MROH7: variants seen among roughly 807,000 people sequenced by gnomAD.
MROH7 encodes maestro heat like repeat family member 7.
MROH7 carries 113 observed loss-of-function variants against 129.2 expected under a neutral mutation model. The ratio of observed to expected loss-of-function variants is 0.87; its 90% CI spans 0.75 to 1.02. MROH7 has a LOEUF of 1.02. Ranked by LOEUF, MROH7 falls within the 50% of genes least tolerant of loss-of-function variation. MROH7 has a pLI of 0.00. For missense variants in MROH7, 1,601 were observed against 1,671.3 expected (o/e 0.96, Z 0.73); for synonymous variants, 655 against 667.9 (o/e 0.98, Z 0.30).
chr1:54,708,394 T>C (rs1645569886), intron 22 of MROH7, among the ~76,000 whole-genome samples: 2 of 151,334 alleles, frequency 1.3e-5, no homozygotes, highest in Admixed American at 1.3e-4. Context: ...GCCACTGCAC[T>C]CCAGTCTGGG....
intron 3 of MROH7, among the ~76,000 whole-genome samples, chr1:54,663,132 G>A (rs767480980): frequency 6.6e-5 from 10 of 152,110 alleles, no homozygotes; most frequent in Non-Finnish European, 1.2e-4. Context: ...AGTAAATATC[G>A]TGTGGTCAGG....
intron 17 of MROH7, among the ~76,000 whole-genome samples, chr1:54,696,606 A>G (rs1344727681): frequency 2.0e-5 from 3 of 150,582 alleles, no homozygotes; most frequent in Non-Finnish European, 2.9e-5. Flanking sequence ...GTTTCCCTAA[A>G]CATAATGTCT....
In MROH7 at chr1:54,706,501, C is replaced by T. The variant is rs375795723; in HGVS notation, c.3631C>T (p.Arg1211Trp). The T allele has an allele frequency of 1.3e-5, 21 of 1,613,470 alleles. No homozygotes were observed. Among genetic ancestry groups the T allele is most frequent in the Middle Eastern group, 1.6e-4 (1 of 6,082 alleles). The change falls in exon 22 of 24, where the codon CGG (arginine) becomes TGG (tryptophan). Residue 1211 changes from arginine (R) to tryptophan (W), a missense_variant. Physicochemically the swap from Arg to Trp is moderately radical, Grantham distance 101. Transcript: ENST00000421030. ...GAGCCTGGAGTATGCCAAGAACTCACGGGCCTCCCTCCGGAAGTGCTCAGT... is the reference window on the plus strand; with the variant it reads ...GAGCCTGGAGTATGCCAAGAACTCATGGGCCTCCCTCCGGAAGTGCTCAGT... ...SQSLEYAKNS[R>W]ASLRKCSVMF...
At chr1:54,668,823 C>G in intron 4 of MROH7, 31 bp from the exon 5 acceptor site, 1 of 1,581,278 alleles carries the variant, frequency 6.3e-7, no homozygotes, top group Non-Finnish European at 8.7e-7. Flanking sequence ...GGGTCTCTCA[C>G]TCTGAGGTTT....
chr1:54,697,855 G>A, intron 17 of MROH7: 2 of 539,258 alleles, frequency 3.7e-6, no homozygotes, highest in East Asian at 5.8e-5. Flanking sequence ...GAGGGAGGGT[G>A]GATCTTGCCA....
intron 16 of MROH7, among the ~76,000 whole-genome samples, chr1:54,694,280 G>A (rs115503769): frequency 0.011 from 1,603 of 152,344 alleles, 26 homozygotes; most frequent in African/African-American, 0.036. Flanking sequence ...GCTGGGGCCA[G>A]GATTTGAACC....
chr1:54,705,335 T>A (rs1207031876), intron 21 of MROH7, among the ~76,000 whole-genome samples: 1 of 152,242 alleles, frequency 6.6e-6, no homozygotes, highest in South Asian at 2.1e-4. Flanking sequence ...TTGGGGCACC[T>A]GCTGCAAGCC....
At chr1:54,706,629 G>C (rs1339116784) in intron 22 of MROH7, 92 bp downstream of exon 22, 2 of 911,058 alleles carry the variant, frequency 2.2e-6, no homozygotes, top group African/African-American at 3.3e-5. Context: ...TTCAGCACCT[G>C]GGGGGATGCT....
chr1:54,673,825 G>C lies in MROH7; in HGVS notation c.1800+20G>C, dbSNP rs760592593. Reference sequence around the variant, plus strand: ...TTCTTTGTGAGTGGCCCCTGGGAGGGGTGGACACTCTTAGGGAAAATCTTC... The same window carrying C: ...TTCTTTGTGAGTGGCCCCTGGGAGGCGTGGACACTCTTAGGGAAAATCTTC... On this transcript the variant is annotated intron_variant, in intron 9 of 23. Coordinates refer to ENST00000421030, the MANE Select transcript of MROH7 (RefSeq NM_001039464.4). 1 of 1,591,378 alleles carries C rather than the reference G, an allele frequency of 6.3e-7. No homozygotes were observed. Among genetic ancestry groups the C allele is most frequent in the South Asian group, 1.1e-5 (1 of 90,544 alleles).
In MROH7 at chr1:54,686,218, T is replaced by C. The variant is rs755582394; in HGVS notation, c.2521-40T>C. On this transcript the variant is annotated intron_variant, in intron 14 of 23. Transcript: ENST00000421030. The stretch of plus-strand genomic sequence containing the variant: ...GCCCCAGCCAGGAGTGCTGGGAAGA[T>C]GGGCCACGACATCCCAGCAGCCTCC... 5.8e-6 allele frequency: 9 copies of C among 1,560,360 alleles called. No homozygotes were observed. The South Asian group carries it at 9.8e-5, about 17-fold the overall frequency.
intron 15 of MROH7, among the ~76,000 whole-genome samples, chr1:54,689,086 A>G (rs1645194215): frequency 6.6e-6 from 1 of 152,188 alleles, no homozygotes; most frequent in Non-Finnish European, 1.5e-5. Context: ...TCTGCCCAGA[A>G]CCCATGATAG....
chr1:54,681,718 T>C (rs1422331328), intron 13 of MROH7, among the ~76,000 whole-genome samples: 3 of 152,184 alleles, frequency 2.0e-5, no homozygotes, highest in Non-Finnish European at 4.4e-5. Context: ...TTTCCTTGCC[T>C]GGTGTACTGC....
In MROH7 at chr1:54,673,809, A is replaced by G; in HGVS notation, c.1800+4A>G. Reference sequence around the variant, plus strand: ...GCTTCTAACTCTGCCTTTCTTTGTGAGTGGCCCCTGGGAGGGGTGGACACT... The same window carrying G: ...GCTTCTAACTCTGCCTTTCTTTGTGGGTGGCCCCTGGGAGGGGTGGACACT... On this transcript the variant is annotated splice_donor_region_variant and intron_variant, in intron 9 of 23. Transcript: ENST00000421030. The G allele has an allele frequency of 6.2e-7, 1 of 1,611,272 alleles. No homozygotes were observed. The highest frequency in any genetic ancestry group is 1.7e-5 in the Admixed American group (1 of 60,008).
chr1:54,675,601 CTTT>C (rs35016115), intron 10 of MROH7, among the ~76,000 whole-genome samples: 5 of 143,158 alleles, frequency 3.5e-5, no homozygotes, highest in Non-Finnish European at 3.1e-5. Flanking sequence ...GGGACGCTGC[CTTT>C]TTTTTTTTTT....
rs973542903 is a variant in MROH7, at chr1:54,700,350, C to T, written c.2994C>T (p.Ile998=). ...TCCAGATGGAGCAGGTGCGCCGGAT[C>T]CCCGAGGAATACTCTCTGGGGCGGA... is the stretch of plus-strand genomic sequence containing the variant. ...ELLQMEQVRR[I]PEEYSLGRMA... Residue 998 remains isoleucine (I), a synonymous_variant, in exon 18 of 24, where the codon ATC becomes ATT. Transcript: ENST00000421030. The T allele has an allele frequency of 3.1e-6, 5 of 1,614,112 alleles. No individual in the cohort carries two copies. Among genetic ancestry groups the T allele is most frequent in the South Asian group, 2.2e-5 (2 of 91,074 alleles).
rs551514332 is a variant in MROH7 at position 54,670,848 on chromosome 1, C to T, written c.1518C>T (p.Asn506=). ...TGCGGGAGAGGTCGGAGCTGGTGAACGTGTGTGTGCACAGCGTGTTCTCCC... is the reference window on the plus strand; with the variant it reads ...TGCGGGAGAGGTCGGAGCTGGTGAATGTGTGTGTGCACAGCGTGTTCTCCC... ...LGMRERSELV[N]VCVHSVFSLP... Residue 506 remains asparagine, a synonymous_variant, in exon 7 of 24, where the codon AAC becomes AAT. Transcript: ENST00000421030. 35 of 1,613,982 alleles carry T rather than the reference C, an allele frequency of 2.2e-5. No homozygotes were observed. The African/African-American group carries it at 2.7e-4, about 12-fold the overall frequency.
rs75165804 is a variant in MROH7, at chr1:54,703,807, C to T, written c.3564+1062C>T. On this transcript the variant is annotated intron_variant, in intron 21 of 23. Transcript: ENST00000421030. The surrounding 1 kb of genome is among the most constrained non-coding windows in gnomAD (Gnocchi z 4.4). ...TGGGACCAATACCCATGGAAGGGAG[C>T]GGAAGAAACAGGAATAACAAAGGGA... 5.6e-3 allele frequency among the ~76,000 whole-genome samples: 858 copies of T among 152,126 alleles called. 7 individuals carry two copies. The highest frequency in any genetic ancestry group is 0.018 in the African/African-American group (739 of 41,480).
At chr1:54,700,966 G>C (rs749408389) in intron 18 of MROH7, among the ~76,000 whole-genome samples, 177 bp from the exon 19 acceptor site, 10 of 152,272 alleles carry the variant, frequency 6.6e-5, no homozygotes, top group Non-Finnish European at 1.2e-4. Flanking sequence ...GCCAAAGAAG[G>C]CTTTGAGGAG....
At chr1:54,697,537 A>G (rs1645342968) in intron 17 of MROH7, 1 of 590,242 alleles carries the variant, frequency 1.7e-6, no homozygotes, top group African/African-American at 1.8e-5. Flanking sequence ...TCTAACTCCA[A>G]TTTCCCTGAC....
Sources: gnomAD v4.1 joint callset for allele counts (sites outside exome capture counted in the v4.1 genomes callset) on GRCh38, gnomAD v4.1.1 for gene constraint, Gnocchi (gnomAD v3.1) non-coding constraint, MANE v1.5 for transcripts, NCBI Gene and HGNC (gene_info 2026-07-23, HGNC 2026-07-21) for gene names.